Variants in BTBD8 observed in about 807,000 individuals in gnomAD.
The protein encoded by BTBD8 is BTB domain containing 8, also known as BTB/POZ domain-containing protein 8.
In BTBD8, 110 loss-of-function variants were observed where a neutral mutation model predicts 162.9. That is an observed-to-expected ratio of 0.68 (90% CI 0.58 to 0.79). BTBD8 has a LOEUF of 0.79. BTBD8 is among the 30% of genes least tolerant of loss of function. The probability of loss-of-function intolerance (pLI) is 0.00; values close to 1 mark genes in which losing one functional copy is unlikely to be tolerated. For missense variants in BTBD8, 1,905 were observed against 2,085.4 expected, an observed-to-expected ratio of 0.91 and a Z score of 1.68; for synonymous variants, 667 against 716.1, an observed-to-expected ratio of 0.93 and a Z score of 1.10.
At chr1:92,178,594 G>A (rs1650791501) in intron 16 of BTBD8, 143 bp downstream of exon 16, 1 of 683,172 alleles carries the variant, frequency 1.5e-6, no homozygotes, top group African/African-American at 1.8e-5. Flanking sequence ...ATAGAGATGA[G>A]ATTGTAAACT....
chr1:92,086,525 G>A (rs1228967960), intron 1 of BTBD8, among the ~76,000 whole-genome samples: 1 of 152,074 alleles, frequency 6.6e-6, no homozygotes, highest in Non-Finnish European at 1.5e-5. Context: ...CAGCTACTTG[G>A]GAGGCTGCGG....
At chr1:92,093,529 G>A (rs12131601) in intron 2 of BTBD8, among the ~76,000 whole-genome samples, 3 of 152,082 alleles carry the variant, frequency 2.0e-5, no homozygotes, top group Admixed American at 2.0e-4. Flanking sequence ...TTTTCTCCTA[G>A]TAGGTGATAG....
intron 12 of BTBD8, among the ~76,000 whole-genome samples, chr1:92,170,043 C>A (rs1334559692): frequency 6.6e-6 from 1 of 152,072 alleles, no homozygotes; most frequent in East Asian, 1.9e-4. Flanking sequence ...GATCAGCATT[C>A]CTTCAGTAGG....
intron 2 of BTBD8, among the ~76,000 whole-genome samples, chr1:92,091,020 G>A (rs576311909): frequency 6.6e-6 from 1 of 152,296 alleles, no homozygotes; most frequent in African/African-American, 2.4e-5. Context: ...GAAACCATTG[G>A]CCTAATCTAG....
intron 9 of BTBD8, among the ~76,000 whole-genome samples, chr1:92,158,423 G>C (rs1650208238): frequency 6.6e-6 from 1 of 151,394 alleles, no homozygotes; most frequent in Admixed American, 6.6e-5. Context: ...ATTACCATGG[G>C]ACCTACATAA....
At chr1:92,126,276 T>C (rs1649356233) in intron 4 of BTBD8, 3 of 599,122 alleles carry the variant, frequency 5.0e-6, no homozygotes, top group South Asian at 1.4e-5. Flanking sequence ...AGTGGGAAGA[T>C]TGGGGCCTTC....
chr1:92,127,925 G>A (rs1276980791), intron 4 of BTBD8, among the ~76,000 whole-genome samples: 1 of 152,048 alleles, frequency 6.6e-6, no homozygotes, highest in Non-Finnish European at 1.5e-5. Flanking sequence ...GGTGGGTTGT[G>A]GGTAGGGTAT....
chr1:92,127,597 CAG>C (rs1649393513), intron 4 of BTBD8, among the ~76,000 whole-genome samples: 1 of 151,840 alleles, frequency 6.6e-6, no homozygotes, highest in Admixed American at 6.6e-5. Context: ...TGTTTTGAGA[CAG>C]AGTCTTGCTC....
chr1:92,140,883 A>C (rs962287121), intron 6 of BTBD8, among the ~76,000 whole-genome samples: 4 of 152,220 alleles, frequency 2.6e-5, no homozygotes, highest in Non-Finnish European at 5.9e-5. Context: ...GACATCTCCA[A>C]ATTTATTTCT....
At chr1:92,173,365 C>A (rs1443262995) in intron 13 of BTBD8, among the ~76,000 whole-genome samples, 1 of 152,206 alleles carries the variant, frequency 6.6e-6, no homozygotes, top group Non-Finnish European at 1.5e-5. Flanking sequence ...CCCGACAACC[C>A]TTTTAAAGCA....
intron 2 of BTBD8, among the ~76,000 whole-genome samples, chr1:92,093,106 G>A (rs1441084074): frequency 6.6e-6 from 1 of 151,482 alleles, no homozygotes; most frequent in African/African-American, 2.4e-5. Flanking sequence ...AATTTAAGCA[G>A]ATACTTTAAG....
At position 92,180,914 on chromosome 1, in the gene BTBD8, T is replaced by C; in HGVS notation, c.3231T>C (p.Ser1077=). 6.4e-7 allele frequency: 1 copy of C among 1,551,478 alleles called. No individual in the cohort carries two copies. The highest frequency in any genetic ancestry group is 8.7e-7 in the Non-Finnish European group (1 of 1,146,966). Residue 1077 remains serine, a synonymous_variant, in exon 17 of 18, where the codon AGT becomes AGC. Coordinates refer to ENST00000636805, the MANE Select transcript of BTBD8 (RefSeq NM_001376131.1). ...ACATATGTTGTCATTCTGTTGGGAG[T>C]GATAATGTAAATTCAAAATTTTATA... ...AANICCHSVG[S]DNVNSKFYST... is the part of the protein sequence containing the mutation.
chr1:92,124,024 A>C (rs1649284236), intron 4 of BTBD8, among the ~76,000 whole-genome samples: 1 of 152,156 alleles, frequency 6.6e-6, no homozygotes, highest in Non-Finnish European at 1.5e-5. Flanking sequence ...TGGGTTATCT[A>C]CTAAAACCCC....
At chr1:92,105,081 T>C (rs1484167018) in intron 3 of BTBD8, among the ~76,000 whole-genome samples, 2 of 151,920 alleles carry the variant, frequency 1.3e-5, no homozygotes, top group African/African-American at 4.8e-5. Flanking sequence ...TACAGGCACC[T>C]GCCACCACGC....
intron 9 of BTBD8, among the ~76,000 whole-genome samples, chr1:92,154,117 G>A (rs923682001): frequency 6.6e-6 from 1 of 152,128 alleles, no homozygotes; most frequent in African/African-American, 2.4e-5. Flanking sequence ...TGATGTGCCT[G>A]CTCCTCCGTT....
chr1:92,158,761 A>G (rs1240096607), intron 9 of BTBD8, among the ~76,000 whole-genome samples: 2 of 152,014 alleles, frequency 1.3e-5, no homozygotes, highest in Non-Finnish European at 2.9e-5. Context: ...TGTAAACCTA[A>G]AACCATGCTT....
intron 5 of BTBD8, among the ~76,000 whole-genome samples, chr1:92,134,270 A>G (rs1466146550): frequency 6.6e-6 from 1 of 152,174 alleles, no homozygotes; most frequent in African/African-American, 2.4e-5. Context: ...TTGAAATATA[A>G]ATGAGATGTA....
intron 2 of BTBD8, among the ~76,000 whole-genome samples, chr1:92,096,534 G>A (rs1427005807): frequency 3.3e-5 from 5 of 150,898 alleles, no homozygotes; most frequent in Admixed American, 3.3e-4. Context: ...CATACTACAT[G>A]CAATCACCTA....
chr1:92,153,486 C>T (rs1650093292), intron 9 of BTBD8, among the ~76,000 whole-genome samples: 1 of 152,112 alleles, frequency 6.6e-6, no homozygotes, highest in Non-Finnish European at 1.5e-5. Context: ...TCTCATCTTT[C>T]GTAACTGAAA....
Sources: allele counts gnomAD v4.1 joint callset (sites outside exome capture counted in the v4.1 genomes callset), GRCh38; gene constraint gnomAD v4.1.1; transcripts MANE v1.5; gene names NCBI Gene and HGNC (gene_info 2026-07-23, HGNC 2026-07-21).